The following POU2AF1 variants were observed in gnomAD, a reference collection of about 807,000 sequenced individuals.
POU2AF1 encodes the protein POU domain class 2-associating factor 1.
POU2AF1 carries 12 observed loss-of-function variants against 26.3 expected under a neutral mutation model. The ratio of observed to expected loss-of-function variants is 0.46; its 90% CI spans 0.29 to 0.74. The LOEUF (loss-of-function observed/expected upper bound fraction) is 0.74, where lower values mean the gene tolerates loss of function less well. Among genes scored for constraint, POU2AF1 ranks in the 30% least tolerant of loss-of-function variants. The probability of loss-of-function intolerance (pLI) is 0.09; values close to 1 mark genes in which losing one functional copy is unlikely to be tolerated. For synonymous variants in POU2AF1, 175 were observed against 148.0 expected (o/e 1.18, Z -1.32); for missense variants, 297 against 334.5 (o/e 0.89, Z 0.87).
chr11:111,372,993 CCAAGGA>C (rs1429180379), intron 1 of POU2AF1, among the ~76,000 whole-genome samples: 1 of 152,162 alleles, frequency 6.6e-6, no homozygotes, highest in Non-Finnish European at 1.5e-5. Flanking sequence ...GAGCCACATG[CCAAGGA>C]TGGCAGATTA....
chr11:111,372,029 TACACACACACAC>T lies in POU2AF1; in HGVS notation c.16+7121_16+7132del, dbSNP rs374971894. ...CACACCCCACCTAAACACACACAAA[TACACACACACAC>T]ACACACACACACACACACACACACA... On this transcript the variant is annotated intron_variant, in intron 1 of 4. Coordinates refer to ENST00000393067, the MANE Select transcript of POU2AF1 (RefSeq NM_006235.3). Among the ~76,000 whole-genome samples, 315 of 121,136 alleles carry T rather than the reference TACACACACACAC, an allele frequency of 2.6e-3. 6 individuals are homozygous for T. Among genetic ancestry groups the T allele is most frequent in the Middle Eastern group, 8.8e-3 (2 of 226 alleles). The allele number at this position is 121,136 out of a possible 152,430, so 79.5% of individuals were successfully genotyped here.
Position 111,354,049 on chromosome 11 carries a change from A to C in POU2AF1, c.*212T>G. On this transcript the variant is annotated 3_prime_UTR_variant, in exon 5 of 5. Transcript: ENST00000393067. The stretch of plus-strand genomic sequence containing the variant: ...GGGGTTGGAAAGGAAGAAGGGAGGG[A>C]GGGGAAGAATGGAAGGATGGGGGAG... 1 of 370,814 alleles carries C rather than the reference A, an allele frequency of 2.7e-6. No individual in the cohort carries two copies. The highest frequency in any genetic ancestry group is 4.4e-6 in the Non-Finnish European group (1 of 224,996). The allele number at this position is 370,814 out of a possible 1,614,324, so 23.0% of individuals were successfully genotyped here.
At chr11:111,358,160 C>T (rs553118006) in intron 2 of POU2AF1, among the ~76,000 whole-genome samples, 11 of 152,170 alleles carry the variant, frequency 7.2e-5, no homozygotes, top group Admixed American at 1.3e-4. Flanking sequence ...GCTGAGCCGG[C>T]CCTGATCCCT....
rs539549218 is a variant in POU2AF1, at chr11:111,358,357, C to T, written c.147+431G>A. Among the ~76,000 whole-genome samples the T allele has an allele frequency of 5.3e-4, 49 of 93,014 alleles. 1 individual carries two copies. The highest frequency in any genetic ancestry group is 1.7e-3 in the African/African-American group (47 of 27,128). 61.0% of individuals were successfully genotyped at this position (93,014 alleles called of 152,430 possible). A position where few individuals can be genotyped will look rare whatever the true frequency, so the allele number is the denominator to read the frequency against. On this transcript the variant is annotated intron_variant, in intron 2 of 4. Transcript: ENST00000393067. ...ACACTCTCACACTCTCACACTCACACTCTCACACACTCACACACTCTCTCA... is the reference window on the plus strand; with the variant it reads ...ACACTCTCACACTCTCACACTCACATTCTCACACACTCACACACTCTCTCA...
At chr11:111,378,813 C>G (rs946654475) in intron 1 of POU2AF1, among the ~76,000 whole-genome samples, 1 of 152,224 alleles carries the variant, frequency 6.6e-6, no homozygotes, top group African/African-American at 2.4e-5. Context: ...TCCCTCCCAA[C>G]CCCAAACCCA....
intron 1 of POU2AF1, among the ~76,000 whole-genome samples, chr11:111,367,165 G>GCACCCTCCACACCA (rs1861121529): frequency 6.6e-6 from 1 of 151,962 alleles, no homozygotes; most frequent in South Asian, 2.1e-4. Context: ...GGCACTCTCC[G>GCACCCTCCACACCA]CACCTTCCAC....
intron 1 of POU2AF1, among the ~76,000 whole-genome samples, chr11:111,376,922 G>A (rs1185323137): frequency 6.6e-6 from 1 of 152,040 alleles, no homozygotes; most frequent in Admixed American, 6.5e-5. Flanking sequence ...AAGGCTTAAA[G>A]GACAATTCAA....
intron 4 of POU2AF1, among the ~76,000 whole-genome samples, chr11:111,357,235 G>C (rs974418536): frequency 6.6e-6 from 1 of 152,186 alleles, no homozygotes; most frequent in Non-Finnish European, 1.5e-5. Flanking sequence ...GGAGCAGAAA[G>C]TATGACGAGA....
At chr11:111,364,840 G>T (rs945515942) in intron 1 of POU2AF1, among the ~76,000 whole-genome samples, 5 of 152,222 alleles carry the variant, frequency 3.3e-5, no homozygotes, top group Non-Finnish European at 5.9e-5. Flanking sequence ...CAGAGGAGAG[G>T]AATGTACCTT....
chr11:111,358,321 T>A (rs1379151755), intron 2 of POU2AF1, among the ~76,000 whole-genome samples: 1 of 117,770 alleles, frequency 8.5e-6, no homozygotes, highest in Non-Finnish European at 1.8e-5. Flanking sequence ...CTCACACACG[T>A]ACTCTCTCAC....
chr11:111,374,306 C>T (rs1050649482), intron 1 of POU2AF1, among the ~76,000 whole-genome samples: 2 of 152,208 alleles, frequency 1.3e-5, no homozygotes, highest in South Asian at 4.2e-4. Flanking sequence ...CCAATTAAAT[C>T]TGTGTATTTG....
At chr11:111,359,977 C>A (rs1860973728) in intron 1 of POU2AF1, 1 of 518,926 alleles carries the variant, frequency 1.9e-6, no homozygotes, top group Non-Finnish European at 3.8e-6. Flanking sequence ...CAAGGGTGAT[C>A]CTTGTACCCT....
At position 111,357,460 on chromosome 11, in the gene POU2AF1, G is replaced by A; in HGVS notation, c.441C>T (p.Leu147=). Residue 147 remains leucine, a synonymous_variant, in exon 4 of 5, where the codon CTC becomes CTT. Transcript: ENST00000393067. ...SSVLTYASPP[L]ITNVTTRSSA... The stretch of plus-strand genomic sequence containing the variant: ...TGTGACATACCGTGACATTGGTGAT[G>A]AGTGGCGGAGAGGCATAGGTCAACA... 1 of 1,614,194 alleles carries A rather than the reference G, an allele frequency of 6.2e-7. No individual in the cohort carries two copies. The highest frequency in any genetic ancestry group is 8.5e-7 in the Non-Finnish European group (1 of 1,180,038).
rs1255504960 is a variant in POU2AF1 at position 111,354,118 on chromosome 11, G to A, written c.*143C>T. ...GGAGGGGAAGGAAGAAGGGAAGGAA[G>A]GTTTACAGGTCTACAATTCTAGCTG... is the stretch of plus-strand genomic sequence containing the variant. On this transcript the variant is annotated 3_prime_UTR_variant, in exon 5 of 5. Coordinates refer to ENST00000393067, the MANE Select transcript of POU2AF1 (RefSeq NM_006235.3). 2.4e-6 allele frequency: 2 copies of A among 847,768 alleles called. No individual in the cohort carries two copies. The highest frequency in any genetic ancestry group is 3.5e-6 in the Non-Finnish European group (2 of 568,134). The allele number at this position is 847,768 out of a possible 1,614,324, so 52.5% of individuals were successfully genotyped here. A position where few individuals can be genotyped will look rare whatever the true frequency, so the allele number is the denominator to read the frequency against.
At chr11:111,371,567 A>G (rs535842722) in intron 1 of POU2AF1, among the ~76,000 whole-genome samples, 1 of 152,276 alleles carries the variant, frequency 6.6e-6, no homozygotes, top group African/African-American at 2.4e-5. Flanking sequence ...ATGATCACTA[A>G]CCCACCACAA....
intron 1 of POU2AF1, among the ~76,000 whole-genome samples, chr11:111,377,596 C>T (rs956479553): frequency 6.6e-6 from 1 of 152,096 alleles, no homozygotes; most frequent in Admixed American, 6.5e-5. Flanking sequence ...ATGATTTTTA[C>T]CCCCACTTAA....
chr11:111,373,794 T>A (rs1164516015), intron 1 of POU2AF1, among the ~76,000 whole-genome samples: 1 of 152,202 alleles, frequency 6.6e-6, no homozygotes. Context: ...ACAAGAGGGT[T>A]TCAGAGAAGG....
chr11:111,357,329 T>A lies in POU2AF1; in HGVS notation c.456+116A>T, dbSNP rs1360030672. 4.8e-6 allele frequency: 7 copies of A among 1,458,060 alleles called. No individual in the cohort carries two copies. In the African/African-American group the frequency reaches 5.6e-5, roughly 12 times the overall value. The allele number at this position is 1,458,060 out of a possible 1,614,324, so 90.3% of individuals were successfully genotyped here. On this transcript the variant is annotated intron_variant, in intron 4 of 4. Coordinates refer to ENST00000393067, the MANE Select transcript of POU2AF1 (RefSeq NM_006235.3). ...CCATGGAGACCAAGGCGAGCTCTGA[T>A]GACCTGATTATCTTGAGAATCAATA... is the stretch of plus-strand genomic sequence containing the variant.
chr11:111,355,411 C>G (rs910548189), intron 4 of POU2AF1, among the ~76,000 whole-genome samples: 3 of 152,218 alleles, frequency 2.0e-5, no homozygotes, highest in African/African-American at 4.8e-5. Context: ...TGGATTCTTA[C>G]TTTTCTTTCA....
Sources: gnomAD v4.1 joint callset for allele counts (sites outside exome capture counted in the v4.1 genomes callset) on GRCh38, gnomAD v4.1.1 for gene constraint, MANE v1.5 for transcripts, NCBI Gene and HGNC (gene_info 2026-07-23, HGNC 2026-07-21) for gene names.